The following ARHGAP22 variants were observed in gnomAD, a reference collection of about 807,000 sequenced individuals.
The protein encoded by ARHGAP22 is rho GTPase-activating protein 22.
A neutral mutation model predicts 59.1 loss-of-function variants in ARHGAP22; 48 were observed. The observed-to-expected ratio is 0.81, with a 90% CI of 0.64 to 1.03. ARHGAP22 has a LOEUF of 1.03. Among genes scored for constraint, ARHGAP22 ranks in the 50% least tolerant of loss-of-function variants. The pLI, the probability that ARHGAP22 is intolerant of heterozygous loss-of-function variation, is 0.00. For missense variants in ARHGAP22, 1,015 were observed against 958.7 expected (o/e 1.06, Z -0.78); for synonymous variants, 445 against 416.4 (o/e 1.07, Z -0.84).
chr10:48,600,984 C>A lies in ARHGAP22; in HGVS notation c.34+3779G>T, dbSNP rs986293730. 2.6e-5 allele frequency among the ~76,000 whole-genome samples: 4 copies of A among 152,162 alleles called. No homozygotes were observed. The East Asian group carries it at 7.7e-4, about 29-fold the overall frequency. The stretch of plus-strand genomic sequence containing the variant: ...CACCCTTCCATGAGCAGTTCTAATA[C>A]GCCCCTTCTTCAGCATATCTTACTG... On this transcript the variant is annotated intron_variant, in intron 1 of 9. Transcript: ENST00000249601.
chr10:48,623,895 C>G (rs1371595530), intron 1 of ARHGAP22: 2 of 152,232 alleles, frequency 1.3e-5, no homozygotes, highest in Non-Finnish European at 2.9e-5. Context: ...CCTGAAATTA[C>G]CAGTGCTTGA....
intron 1 of ARHGAP22, among the ~76,000 whole-genome samples, chr10:48,650,146 CT>C (rs11386532): frequency 0.016 from 1,326 of 82,040 alleles, 13 homozygotes; most frequent in Middle Eastern, 0.042. Flanking sequence ...GCTGGAGACT[CT>C]TTTTTTTTTT....
chr10:48,472,911 C>T (rs1449238700), intron 4 of ARHGAP22, among the ~76,000 whole-genome samples: 1 of 152,100 alleles, frequency 6.6e-6, no homozygotes, highest in Admixed American at 6.5e-5. Flanking sequence ...TAAAATGGGG[C>T]AGCCACTGTG....
intron 2 of ARHGAP22, among the ~76,000 whole-genome samples, chr10:48,571,046 C>T (rs1426121851): frequency 6.6e-6 from 1 of 152,178 alleles, no homozygotes; most frequent in Non-Finnish European, 1.5e-5. Flanking sequence ...CTTTTTCTTC[C>T]ATTCCTCTTT....
At chr10:48,596,027 A>AT (rs5784769) in intron 1 of ARHGAP22, among the ~76,000 whole-genome samples, 199 of 151,954 alleles carry the variant, frequency 1.3e-3, no homozygotes, top group African/African-American at 4.5e-3. Context: ...GAGAGTTTGG[A>AT]TTTTTTTTTC....
At chr10:48,462,250 G>T (rs2047213218) in intron 4 of ARHGAP22, among the ~76,000 whole-genome samples, 1 of 109,896 alleles carries the variant, frequency 9.1e-6, no homozygotes, top group East Asian at 2.9e-4. Flanking sequence ...CTTCGGGGTG[G>T]GGGGGGGGCA....
At chr10:48,493,439 CCCTGGGCATACG>C in intron 3 of ARHGAP22, 1 of 1,535,808 alleles carries the variant, frequency 6.5e-7, no homozygotes, top group Non-Finnish European at 8.7e-7. Context: ...ATCCACTTAC[CCCTGGGCATACG>C]CCTGCTCCTC....
chr10:48,597,725 T>C (rs1406083129), intron 1 of ARHGAP22, among the ~76,000 whole-genome samples: 1 of 152,236 alleles, frequency 6.6e-6, no homozygotes, highest in Non-Finnish European at 1.5e-5. Flanking sequence ...TTGCTGTTTC[T>C]GCTCTGTTCA....
At chr10:48,556,505 C>T (rs1590161518) in intron 2 of ARHGAP22, 1 of 152,316 alleles carries the variant, frequency 6.6e-6, no homozygotes, top group East Asian at 1.9e-4. Flanking sequence ...GGCTTCACTA[C>T]ATATTTTTGG....
chr10:48,655,243 G>A (rs1234899091), upstream of ARHGAP22, among the ~76,000 whole-genome samples: 2 of 19,438 alleles, frequency 1.0e-4, no homozygotes, highest in African/African-American at 1.6e-4. Flanking sequence ...GAGAGTGGAT[G>A]TGTGTGTGTG....
In ARHGAP22 at chr10:48,604,803, G is replaced by T; in HGVS notation, c.-7C>A. The T allele has an allele frequency of 6.2e-7, 1 of 1,614,192 alleles. No homozygotes were observed. Among genetic ancestry groups the T allele is most frequent in the Non-Finnish European group, 8.5e-7 (1 of 1,180,048 alleles). On this transcript the variant is annotated 5_prime_UTR_variant, in exon 1 of 10. Transcript: ENST00000249601. ...TGATCTTTGGGCTCAGCATGTTCTT[G>T]CAGCCGTCCGGCCAGCCCCGCAGGG... is the stretch of plus-strand genomic sequence containing the variant.
intron 4 of ARHGAP22, among the ~76,000 whole-genome samples, chr10:48,466,238 G>A (rs1490221318): frequency 7.1e-6 from 1 of 141,242 alleles, no homozygotes; most frequent in African/African-American, 2.7e-5. Context: ...CCGTAGTTCG[G>A]GGTGGGGAGG....
At chr10:48,654,777 T>A (rs138364227), upstream of ARHGAP22, among the ~76,000 whole-genome samples, 363 of 45,660 alleles carry the variant, frequency 8.0e-3, 1 homozygote, top group African/African-American at 0.028. Context: ...CTGATTACTT[T>A]CTTTCTTTCT....
chr10:48,593,131 T>A (rs999269997), intron 1 of ARHGAP22, among the ~76,000 whole-genome samples: 3 of 152,206 alleles, frequency 2.0e-5, no homozygotes, highest in Non-Finnish European at 4.4e-5. Flanking sequence ...CCCTCCCGGA[T>A]GCCCTAGGGT....
chr10:48,484,144 TC>T (rs748421529), intron 3 of ARHGAP22, among the ~76,000 whole-genome samples: 4 of 152,224 alleles, frequency 2.6e-5, no homozygotes, highest in Non-Finnish European at 5.9e-5. Flanking sequence ...GGGTGTCCTT[TC>T]CCCAGTGTAT....
intron 1 of ARHGAP22, among the ~76,000 whole-genome samples, chr10:48,645,928 T>C (rs1360493153): frequency 6.6e-6 from 1 of 152,192 alleles, no homozygotes; most frequent in Non-Finnish European, 1.5e-5. Context: ...TTGCAGATGA[T>C]ATGATACTGT....
chr10:48,619,476 C>G (rs1477906369), intron 1 of ARHGAP22, among the ~76,000 whole-genome samples: 1 of 152,148 alleles, frequency 6.6e-6, no homozygotes. Context: ...GAGCATGATA[C>G]TGGCATAAAA....
In ARHGAP22 at chr10:48,450,704, C is replaced by G; in HGVS notation, c.1425G>C (p.Ser475=). 6.4e-7 allele frequency: 1 copy of G among 1,552,882 alleles called. No individual in the cohort carries two copies. Residue 475 remains serine, a synonymous_variant, in exon 9 of 10, where the codon TCG becomes TCC. Coordinates refer to ENST00000249601, the MANE Select transcript of ARHGAP22 (RefSeq NM_021226.4). ...LSSLRGHRRA[S]SGDRLKDSGS... ...CCGAGTCCTTGAGCCGGTCTCCCGA[C>G]GAGGCCCGGCGGTGTCCGCGCAGGG...
the ARHGAP22 span, among the ~76,000 whole-genome samples, chr10:48,433,773 A>G: frequency 6.6e-6 from 1 of 152,200 alleles, no homozygotes; most frequent in Non-Finnish European, 1.5e-5. Context: ...GAATGGAGGG[A>G]TGATCTCAAA....
Sources: gnomAD v4.1 joint callset for allele counts (sites outside exome capture counted in the v4.1 genomes callset) on GRCh38, gnomAD v4.1.1 for gene constraint, MANE v1.5 for transcripts, NCBI Gene and HGNC (gene_info 2026-07-23, HGNC 2026-07-21) for gene names.